HMBOX1: variants seen among roughly 807,000 people sequenced by gnomAD.
HMBOX1 encodes homeobox containing 1.
HMBOX1 carries 14 observed loss-of-function variants against 54.5 expected under a neutral mutation model. That is an observed-to-expected ratio of 0.26 (90% CI 0.17 to 0.40). The LOEUF (loss-of-function observed/expected upper bound fraction) is 0.40. HMBOX1 is among the 10% of genes least tolerant of loss of function. HMBOX1 has a pLI of 1.00. For synonymous variants in HMBOX1, 160 were observed against 181.0 expected (o/e 0.88, Z 0.93); for missense variants, 332 against 514.4 (o/e 0.65, Z 3.43).
chr8:28,964,528 G>A (rs942586900), intron 2 of HMBOX1, among the ~76,000 whole-genome samples: 1 of 152,168 alleles, frequency 6.6e-6, no homozygotes, highest in African/African-American at 2.4e-5. Context: ...TATTAGAGAA[G>A]ACAGAGTATC....
At position 28,970,379 on chromosome 8, in the gene HMBOX1, GAAT is replaced by G; in HGVS notation, c.364_366del (p.Asn122del). On this transcript the variant is annotated inframe_deletion, in exon 3 of 10. Coordinates refer to ENST00000287701, the MANE Select transcript of HMBOX1 (RefSeq NM_001135726.3). This position sits in a 1 kb window ranked among gnomAD's most constrained non-coding sequence, Gnocchi z 4.3. ...GCACTACCAATCAAAATGGGAGGGA[GAAT>G]AATGAGCGATTATCTACATCCAATG... 6.2e-7 allele frequency: 1 copy of G among 1,614,150 alleles called. No individual in the cohort carries two copies. Among genetic ancestry groups the G allele is most frequent in the African/African-American group, 1.3e-5 (1 of 75,040 alleles).
intron 6 of HMBOX1, among the ~76,000 whole-genome samples, chr8:29,037,302 G>T (rs1011802499): frequency 6.6e-6 from 1 of 152,060 alleles, no homozygotes; most frequent in Non-Finnish European, 1.5e-5. Flanking sequence ...AATGCAAATT[G>T]GTTTGTTGCT....
chr8:28,916,299 A>C (rs768081060), intron 1 of HMBOX1, among the ~76,000 whole-genome samples: 3 of 152,224 alleles, frequency 2.0e-5, no homozygotes, highest in Non-Finnish European at 4.4e-5. Flanking sequence ...GATTCCTGCC[A>C]CTGTAACCAG....
Position 29,052,216 on chromosome 8 carries a change from G to A in HMBOX1, c.*1061G>A, listed in dbSNP as rs1806505126. 1 of 152,554 alleles carries A rather than the reference G, an allele frequency of 6.6e-6. No individual in the cohort carries two copies. Among genetic ancestry groups the A allele is most frequent in the African/African-American group, 2.4e-5 (1 of 41,464 alleles). 9.5% of individuals were successfully genotyped at this position (152,554 alleles called of 1,614,324 possible). ...GGTCACTAGAGGACTTCATAGTGGG[G>A]TTGTGCTGCTTATCACAGATGCAGA... On this transcript the variant is annotated 3_prime_UTR_variant, in exon 10 of 10. Transcript: ENST00000287701.
intron 1 of HMBOX1, among the ~76,000 whole-genome samples, chr8:28,914,056 C>CG (rs1033817043): frequency 1.4e-4 from 22 of 151,782 alleles, no homozygotes; most frequent in African/African-American, 5.3e-4. Flanking sequence ...TTTTTAGAGA[C>CG]GGGGTTTCAC....
At chr8:28,960,979 GT>G (rs1372307992) in intron 1 of HMBOX1, among the ~76,000 whole-genome samples, 1 of 151,342 alleles carries the variant, frequency 6.6e-6, no homozygotes, top group Non-Finnish European at 1.5e-5. Context: ...TAGAGACGGG[GT>G]TTCACCATGT....
chr8:28,990,716 C>T (rs1166308536), intron 4 of HMBOX1, among the ~76,000 whole-genome samples: 9 of 151,942 alleles, frequency 5.9e-5, no homozygotes, highest in African/African-American at 1.5e-4. Context: ...AGTGGAGTGG[C>T]GCAATCTCGG....
intron 1 of HMBOX1, among the ~76,000 whole-genome samples, chr8:28,954,204 C>G (rs1824000720): frequency 6.6e-6 from 1 of 151,988 alleles, no homozygotes; most frequent in Admixed American, 6.6e-5. Context: ...GCATACTTCT[C>G]TATTTTAAAC....
At chr8:29,016,830 C>T (rs1273093174) in intron 5 of HMBOX1, among the ~76,000 whole-genome samples, 4 of 152,238 alleles carry the variant, frequency 2.6e-5, no homozygotes, top group Admixed American at 2.6e-4. Flanking sequence ...GAGAAAGCAT[C>T]CAAGACAGAT....
At chr8:28,992,635 C>G (rs2132618896) in intron 4 of HMBOX1, among the ~76,000 whole-genome samples, 1 of 152,116 alleles carries the variant, frequency 6.6e-6, no homozygotes, top group East Asian at 1.9e-4. Context: ...CTCTGGGAAT[C>G]CGAGTGGGGT....
chr8:28,949,918 G>A (rs891654014), intron 1 of HMBOX1: 1 of 152,190 alleles, frequency 6.6e-6, no homozygotes, highest in Admixed American at 6.5e-5. Flanking sequence ...GACCTGATTG[G>A]CTGGGGCAAG....
chr8:28,912,514 T>C (rs1210692242), intron 1 of HMBOX1, among the ~76,000 whole-genome samples: 1 of 152,226 alleles, frequency 6.6e-6, no homozygotes, highest in African/African-American at 2.4e-5. Flanking sequence ...TATACCCTCA[T>C]TAATCTCCAA....
chr8:28,991,074 A>G (rs925122684), intron 4 of HMBOX1, among the ~76,000 whole-genome samples: 8 of 152,126 alleles, frequency 5.3e-5, no homozygotes, highest in African/African-American at 1.9e-4. Context: ...TAGAATTGGT[A>G]TTATTTCTTT....
chr8:28,902,379 A>G (rs1036491657), intron 1 of HMBOX1, among the ~76,000 whole-genome samples: 1 of 152,070 alleles, frequency 6.6e-6, no homozygotes, highest in African/African-American at 2.4e-5. Flanking sequence ...ACTCCCACTT[A>G]TTTAGCCAAC....
intron 3 of HMBOX1, among the ~76,000 whole-genome samples, chr8:28,977,799 C>T (rs532438504): frequency 6.6e-6 from 1 of 152,024 alleles, no homozygotes; most frequent in East Asian, 1.9e-4. Flanking sequence ...AAAAAATTAG[C>T]CGGGCGTAAT....
intron 6 of HMBOX1, among the ~76,000 whole-genome samples, chr8:29,030,608 A>G (rs533459438): frequency 6.6e-6 from 1 of 152,330 alleles, no homozygotes; most frequent in Admixed American, 6.5e-5. Flanking sequence ...TCACTCTATG[A>G]TTCTAAATAA....
In HMBOX1 at chr8:29,011,711, C is replaced by T. The variant is rs7841875; in HGVS notation, c.697+2529C>T. 5.7e-3 allele frequency among the ~76,000 whole-genome samples: 868 copies of T among 151,380 alleles called. 4 individuals are homozygous for T. Among genetic ancestry groups the T allele is most frequent in the African/African-American group, 0.02 (843 of 41,404 alleles). On this transcript the variant is annotated intron_variant, in intron 5 of 9. Coordinates refer to ENST00000287701, the MANE Select transcript of HMBOX1 (RefSeq NM_001135726.3). ...CTGGGCTGATAGTGTTCTTCCAAAG[C>T]TGGTTTTTTTTTTAAATTATTGTTA... is the stretch of plus-strand genomic sequence containing the variant.
At chr8:28,993,398 A>T (rs766261019) in intron 4 of HMBOX1, among the ~76,000 whole-genome samples, 8 of 152,192 alleles carry the variant, frequency 5.3e-5, no homozygotes, top group Non-Finnish European at 8.8e-5. Context: ...GTCTAGAATG[A>T]TGACAGTACA....
At chr8:28,910,139 T>A (rs1163454840) in intron 1 of HMBOX1, among the ~76,000 whole-genome samples, 1 of 152,224 alleles carries the variant, frequency 6.6e-6, no homozygotes, top group Non-Finnish European at 1.5e-5. Flanking sequence ...ATTTGTACTT[T>A]CCAGACATTT....
Sources: allele counts gnomAD v4.1 joint callset (sites outside exome capture counted in the v4.1 genomes callset), GRCh38; gene constraint gnomAD v4.1.1; non-coding constraint Gnocchi (gnomAD v3.1); transcripts MANE v1.5; gene names NCBI Gene and HGNC (gene_info 2026-07-23, HGNC 2026-07-21).